The following DPP6 variants were observed in gnomAD, a reference collection of about 807,000 sequenced individuals.
DPP6 encodes the protein dipeptidyl peptidase like 6.
A neutral mutation model predicts 122.6 loss-of-function variants in DPP6; 69 were observed. The ratio of observed to expected loss-of-function variants is 0.56; its 90% CI spans 0.46 to 0.69. The LOEUF (loss-of-function observed/expected upper bound fraction) is 0.69, where lower values mean the gene tolerates loss of function less well. Ranked by LOEUF, DPP6 falls within the 30% of genes least tolerant of loss-of-function variation. The probability of loss-of-function intolerance (pLI) is 0.00; values close to 1 mark genes in which losing one functional copy is unlikely to be tolerated. For synonymous variants in DPP6, 418 were observed against 433.1 expected (o/e 0.97, Z 0.43); for missense variants, 928 against 1,116.9 (o/e 0.83, Z 2.41).
At chr7:154,323,202 T>C (rs1428523331) in intron 1 of DPP6, among the ~76,000 whole-genome samples, 3 of 152,230 alleles carry the variant, frequency 2.0e-5, no homozygotes, top group African/African-American at 7.2e-5. Context: ...GTGAGGATAT[T>C]GTTCATTTCC....
At chr7:154,041,672 G>A (rs1243186391) in intron 1 of DPP6, among the ~76,000 whole-genome samples, 4 of 152,174 alleles carry the variant, frequency 2.6e-5, no homozygotes, top group Non-Finnish European at 5.9e-5. Flanking sequence ...GAGGATTCTG[G>A]TTTTAGTTCA....
chr7:154,738,538 C>A (rs1305958454), intron 8 of DPP6, among the ~76,000 whole-genome samples: 1 of 152,080 alleles, frequency 6.6e-6, no homozygotes, highest in African/African-American at 2.4e-5. Context: ...CTAGTCAATC[C>A]CGGAATATTC....
Position 154,540,584 on chromosome 7 carries a change from T to G in DPP6, c.510T>G (p.Val170=). The change falls in exon 4 of 26, where the codon GTT becomes GTG. Residue 170 remains valine (V), a synonymous_variant. Coordinates refer to ENST00000377770, the MANE Select transcript of DPP6 (RefSeq NM_130797.4). ...AAGGAACAGTGAGACTGTGGAATGT[T>G]GAAACAAATACTTCTACTGTCTTAA... ...EQKGTVRLWN[V]ETNTSTVLIE... 1.2e-6 allele frequency: 2 copies of G among 1,606,944 alleles called. No individual in the cohort carries two copies. Among genetic ancestry groups the G allele is most frequent in the Non-Finnish European group, 1.7e-6 (2 of 1,177,050 alleles).
chr7:154,426,159 T>C (rs1001698479), intron 1 of DPP6, among the ~76,000 whole-genome samples: 2 of 152,202 alleles, frequency 1.3e-5, no homozygotes, highest in Admixed American at 1.3e-4. Flanking sequence ...GCAGTTGTCT[T>C]GTTACTCCAG....
intron 3 of DPP6, among the ~76,000 whole-genome samples, chr7:154,509,965 A>G (rs1433921491): frequency 6.6e-6 from 1 of 152,178 alleles, no homozygotes; most frequent in Admixed American, 6.5e-5. Flanking sequence ...GATAGATCAA[A>G]GTTAAGGGAT....
chr7:154,709,103 A>C (rs1048246171), intron 7 of DPP6, among the ~76,000 whole-genome samples: 1 of 152,166 alleles, frequency 6.6e-6, no homozygotes, highest in Admixed American at 6.6e-5. Context: ...TAAATTAACC[A>C]TTATATTATA....
Position 154,861,306 on chromosome 7 carries a change from C to T in DPP6, c.1715-6689C>T, listed in dbSNP as rs868138869. Among the ~76,000 whole-genome samples the T allele has an allele frequency of 4.5e-4, 69 of 152,230 alleles. 1 individual carries two copies. The highest frequency in any genetic ancestry group is 3.7e-3 in the South Asian group (18 of 4,816). On this transcript the variant is annotated intron_variant, in intron 17 of 25. Transcript: ENST00000377770. Reference sequence around the variant, plus strand: ...TTTTAAGTTGTCACCTAAAGTTTTTCTCATTAATTCAAAGCTGTACAAAAT... The same window carrying T: ...TTTTAAGTTGTCACCTAAAGTTTTTTTCATTAATTCAAAGCTGTACAAAAT...
At chr7:154,862,521 C>T (rs1053879534) in intron 17 of DPP6, among the ~76,000 whole-genome samples, 22 of 152,258 alleles carry the variant, frequency 1.4e-4, no homozygotes, top group African/African-American at 5.1e-4. Flanking sequence ...AAGCAAGCCA[C>T]GCATGGAGCT....
chr7:154,583,464 C>T (rs1832217763), intron 5 of DPP6, among the ~76,000 whole-genome samples: 1 of 152,172 alleles, frequency 6.6e-6, no homozygotes, highest in Non-Finnish European at 1.5e-5. Context: ...GGTGCTCAGA[C>T]TTGATTGGAT....
chr7:154,705,473 G>T (rs1021244242), intron 7 of DPP6, among the ~76,000 whole-genome samples: 1 of 152,164 alleles, frequency 6.6e-6, no homozygotes, highest in Admixed American at 6.5e-5. Flanking sequence ...TCACCCCTGG[G>T]ACCCTGAGGT....
intron 1 of DPP6, among the ~76,000 whole-genome samples, chr7:153,943,745 C>T (rs1216461199): frequency 6.6e-6 from 1 of 152,162 alleles, no homozygotes; most frequent in East Asian, 1.9e-4. Context: ...TGTCTGCCAG[C>T]TTCAGTGTTT....
At chr7:154,509,666 C>A (rs58788774) in intron 3 of DPP6, among the ~76,000 whole-genome samples, 23,914 of 152,128 alleles carry the variant, frequency 0.16, 1,870 homozygotes, top group South Asian at 0.19. Context: ...CCATATACAA[C>A]TAATTACACT....
At chr7:154,608,603 C>T (rs1174336022) in intron 5 of DPP6, among the ~76,000 whole-genome samples, 2 of 151,534 alleles carry the variant, frequency 1.3e-5, no homozygotes, top group Non-Finnish European at 2.9e-5. Flanking sequence ...TCCCAAAGTG[C>T]CAGGATTACA....
At chr7:153,805,780 C>T in the DPP6 span, among the ~76,000 whole-genome samples, 1 of 152,080 alleles carries the variant, frequency 6.6e-6, no homozygotes, top group African/African-American at 2.4e-5. Flanking sequence ...CATGTTCTCA[C>T]TCATATGTGG....
At chr7:154,052,115 GGCAC>G (rs1405255121), upstream of DPP6, among the ~76,000 whole-genome samples, 4 of 38,890 alleles carry the variant, frequency 1.0e-4, no homozygotes, top group Non-Finnish European at 2.7e-4. The surrounding 1 kb of genome is among the most constrained non-coding windows in gnomAD (Gnocchi z 4.8). Context: ...CGTGCTGCGG[GGCAC>G]TCGCAGCACT....
rs556188151 is a variant in DPP6, at chr7:154,098,051, G to C, written c.243+44988G>C. On this transcript the variant is annotated intron_variant, in intron 1 of 25. Coordinates refer to ENST00000377770, the MANE Select transcript of DPP6 (RefSeq NM_130797.4). Reference sequence around the variant, plus strand: ...TCTTGAAGGGAGAGGTATTGATATGGTTCTGCTGTGTCCCCACCCAAATCT... The same window carrying C: ...TCTTGAAGGGAGAGGTATTGATATGCTTCTGCTGTGTCCCCACCCAAATCT... Among the ~76,000 whole-genome samples the C allele has an allele frequency of 3.9e-5, 6 of 152,300 alleles. No individual in the cohort carries two copies. In the East Asian group the frequency reaches 1.2e-3, roughly 29 times the overall value.
At chr7:154,261,374 A>C (rs1468171922) in intron 1 of DPP6, among the ~76,000 whole-genome samples, 1 of 152,206 alleles carries the variant, frequency 6.6e-6, no homozygotes, top group Non-Finnish European at 1.5e-5. Flanking sequence ...CTCTCACCTT[A>C]TACAGAAATC....
At chr7:154,243,095 C>T (rs939077205) in intron 1 of DPP6, among the ~76,000 whole-genome samples, 1 of 152,166 alleles carries the variant, frequency 6.6e-6, no homozygotes, top group Non-Finnish European at 1.5e-5. Context: ...GACATGAAGC[C>T]TGGTATGACC....
chr7:153,810,898 G>A, the DPP6 span, among the ~76,000 whole-genome samples: 2 of 152,136 alleles, frequency 1.3e-5, no homozygotes, highest in Non-Finnish European at 2.9e-5. Context: ...CCATATAAAT[G>A]TGTCTATCAT....
Sources: allele counts gnomAD v4.1 joint callset (sites outside exome capture counted in the v4.1 genomes callset), GRCh38; gene constraint gnomAD v4.1.1; non-coding constraint Gnocchi (gnomAD v3.1); transcripts MANE v1.5; gene names NCBI Gene and HGNC (gene_info 2026-07-23, HGNC 2026-07-21).